MCTP2: variants seen among roughly 807,000 people sequenced by gnomAD.
MCTP2 encodes multiple C2 and transmembrane domain containing 2.
A neutral mutation model predicts 111.6 loss-of-function variants in MCTP2; 132 were observed. That is an observed-to-expected ratio of 1.18 (90% CI 1.03 to 1.37). The LOEUF (loss-of-function observed/expected upper bound fraction) is 1.37. Ranked by LOEUF, MCTP2 falls within the 40% of genes most tolerant of loss-of-function variation. The pLI is 0.00. For missense variants in MCTP2, 1,183 were observed against 1,067.9 expected, an observed-to-expected ratio of 1.11 and a Z score of -1.50; for synonymous variants, 395 against 387.7, an observed-to-expected ratio of 1.02 and a Z score of -0.22.
chr15:94,418,029 A>ACT, intron 17 of MCTP2, among the ~76,000 whole-genome samples: 1 of 152,136 alleles, frequency 6.6e-6, no homozygotes, highest in Non-Finnish European at 1.5e-5. Flanking sequence ...AATGCTAATT[A>ACT]GATACACTTG....
chr15:94,244,027 ATG>A (rs1192440489), intron 1 of MCTP2, among the ~76,000 whole-genome samples: 3 of 147,068 alleles, frequency 2.0e-5, no homozygotes, highest in East Asian at 4.1e-4. Context: ...ACACATACGT[ATG>A]TGTATATATT....
chr15:94,432,868 T>A (rs1435943916), intron 17 of MCTP2, among the ~76,000 whole-genome samples: 2 of 152,210 alleles, frequency 1.3e-5, no homozygotes, highest in Admixed American at 1.3e-4. Flanking sequence ...CGAACAGCCA[T>A]GTCATTCATT....
intron 17 of MCTP2, among the ~76,000 whole-genome samples, chr15:94,410,367 C>G (rs2082101175): frequency 6.6e-6 from 1 of 152,032 alleles, no homozygotes. Flanking sequence ...GTCTATTTAA[C>G]CACCAGATGC....
At chr15:94,458,692 T>C (rs2084995342) in intron 20 of MCTP2, among the ~76,000 whole-genome samples, 1 of 152,168 alleles carries the variant, frequency 6.6e-6, no homozygotes, top group African/African-American at 2.4e-5. Context: ...GCACCATAGA[T>C]GGATAAATGT....
At chr15:94,454,980 C>T (rs1212878283) in intron 19 of MCTP2, among the ~76,000 whole-genome samples, 1 of 152,154 alleles carries the variant, frequency 6.6e-6, no homozygotes, top group Non-Finnish European at 1.5e-5. Flanking sequence ...GCCACCACAA[C>T]AGGCTAATGT....
chr15:94,430,416 CACA>C (rs2083116820), intron 17 of MCTP2, among the ~76,000 whole-genome samples: 1 of 147,142 alleles, frequency 6.8e-6, no homozygotes, highest in Non-Finnish European at 1.5e-5. Flanking sequence ...CACACACACA[CACA>C]CACACACACA....
At chr15:94,237,289 A>G (rs926008752) in intron 1 of MCTP2, among the ~76,000 whole-genome samples, 3 of 152,134 alleles carry the variant, frequency 2.0e-5, no homozygotes, top group Admixed American at 2.0e-4. Context: ...AACTGAACTC[A>G]TTCTTCAGCG....
intron 17 of MCTP2, among the ~76,000 whole-genome samples, chr15:94,412,203 A>G (rs1033652519): frequency 5.3e-5 from 8 of 152,074 alleles, no homozygotes; most frequent in Non-Finnish European, 5.9e-5. Context: ...TACTTTTACA[A>G]TGCACGGCTT....
At chr15:94,390,042 T>A (rs2080781361) in intron 14 of MCTP2, among the ~76,000 whole-genome samples, 1 of 61,696 alleles carries the variant, frequency 1.6e-5, no homozygotes, top group African/African-American at 3.8e-5. Context: ...ATGGTGAATG[T>A]TCAAGGCATA....
chr15:94,383,607 A>G (rs976607840), intron 12 of MCTP2, among the ~76,000 whole-genome samples: 1 of 152,212 alleles, frequency 6.6e-6, no homozygotes, highest in Non-Finnish European at 1.5e-5. Flanking sequence ...AGAGAATGAG[A>G]GCCAAGTGAA....
At chr15:94,320,309 A>T (rs1264488487) in intron 4 of MCTP2, among the ~76,000 whole-genome samples, 2 of 151,790 alleles carry the variant, frequency 1.3e-5, no homozygotes, top group Non-Finnish European at 2.9e-5. Flanking sequence ...CGCCCAGCTA[A>T]TTTTTGTATT....
At chr15:94,359,654 G>T (rs1032696478) in intron 10 of MCTP2, among the ~76,000 whole-genome samples, 1 of 152,124 alleles carries the variant, frequency 6.6e-6, no homozygotes, top group East Asian at 1.9e-4. Context: ...GAAAACTAAA[G>T]ATTGAAAACC....
intron 8 of MCTP2, among the ~76,000 whole-genome samples, chr15:94,346,534 A>G (rs2077990410): frequency 6.6e-6 from 1 of 152,180 alleles, no homozygotes; most frequent in African/African-American, 2.4e-5. Flanking sequence ...CCAAAGCAGT[A>G]AAGTTTCCCA....
At position 94,268,393 on chromosome 15, in the gene MCTP2, G is replaced by A. The variant is rs758062709; in HGVS notation, c.-65-29808G>A. Among the ~76,000 whole-genome samples the A allele has an allele frequency of 1.1e-4, 16 of 146,596 alleles. 1 individual carries two copies. Among genetic ancestry groups the A allele is most frequent in the East Asian group, 4.1e-4 (2 of 4,892 alleles). ...TTTAGTAGAGACGGGGTTTCACCAC[G>A]TTGGCCAGGTTTAGTCTTGAACTCC... On this transcript the variant is annotated intron_variant, in intron 1 of 22. Coordinates refer to ENST00000357742, the MANE Select transcript of MCTP2 (RefSeq NM_001385001.1).
rs1010274383 is a variant in MCTP2, at chr15:94,409,695, C to T, written c.2085+7676C>T. Reference sequence around the variant, plus strand: ...ACCTTCTTCAGGCTTGCTCCTTCTCCCGATCCTCCCTCTTTCCTCCTCTCT... The same window carrying T: ...ACCTTCTTCAGGCTTGCTCCTTCTCTCGATCCTCCCTCTTTCCTCCTCTCT... On this transcript the variant is annotated intron_variant, in intron 17 of 22. Transcript: ENST00000357742. Among the ~76,000 whole-genome samples, 3 of 151,998 alleles carry T rather than the reference C, an allele frequency of 2.0e-5. No individual in the cohort carries two copies. In the East Asian group the frequency reaches 5.8e-4, roughly 30 times the overall value.
chr15:94,386,560 C>G (rs964438457), intron 14 of MCTP2, among the ~76,000 whole-genome samples: 31 of 152,246 alleles, frequency 2.0e-4, no homozygotes, highest in African/African-American at 7.5e-4. Context: ...CCTGGTACGG[C>G]TGGCTCCTGC....
intron 19 of MCTP2, among the ~76,000 whole-genome samples, chr15:94,448,085 G>C (rs1221252417): frequency 6.6e-6 from 1 of 152,092 alleles, no homozygotes; most frequent in Non-Finnish European, 1.5e-5. Flanking sequence ...GCATGTTTTG[G>C]ATGAGAGGGG....
chr15:94,365,856 T>G (rs2152434169), intron 10 of MCTP2, among the ~76,000 whole-genome samples: 1 of 152,326 alleles, frequency 6.6e-6, no homozygotes, highest in Middle Eastern at 3.4e-3. Context: ...AATAGGCTAT[T>G]GTTAATTTGT....
chr15:94,249,443 G>C (rs1253293442), intron 1 of MCTP2, among the ~76,000 whole-genome samples: 1 of 152,008 alleles, frequency 6.6e-6, no homozygotes, highest in Non-Finnish European at 1.5e-5. Flanking sequence ...GCCCAAGGCA[G>C]ATGTTCAAGT....
Sources: gnomAD v4.1 joint callset for allele counts (sites outside exome capture counted in the v4.1 genomes callset) on GRCh38, gnomAD v4.1.1 for gene constraint, MANE v1.5 for transcripts, NCBI Gene and HGNC (gene_info 2026-07-23, HGNC 2026-07-21) for gene names.